The following SORCS3 variants were observed in gnomAD, a reference collection of about 807,000 sequenced individuals.
The protein encoded by SORCS3 is sortilin related VPS10 domain containing receptor 3, also known as VPS10 domain-containing receptor SorCS3.
A neutral mutation model predicts 146.3 loss-of-function variants in SORCS3; 57 were observed. That is an observed-to-expected ratio of 0.39 (90% CI 0.31 to 0.49). The LOEUF (loss-of-function observed/expected upper bound fraction) is 0.49. SORCS3 is among the 20% of genes least tolerant of loss of function. SORCS3 has a pLI of 0.92. For missense variants in SORCS3, 1,341 were observed against 1,575.5 expected (o/e 0.85, Z 2.52); for synonymous variants, 653 against 618.5 (o/e 1.06, Z -0.83).
intron 3 of SORCS3, among the ~76,000 whole-genome samples, chr10:104,947,744 TC>T (rs1186690961): frequency 1.3e-5 from 2 of 152,160 alleles, no homozygotes; most frequent in Non-Finnish European, 2.9e-5. Flanking sequence ...TGCCTCAGCC[TC>T]CCGAGTAGCT....
At position 104,916,487 on chromosome 10, in the gene SORCS3, G is replaced by A. The variant is rs78534140; in HGVS notation, c.795+555G>A. Among the ~76,000 whole-genome samples, 1,442 of 152,272 alleles carry A rather than the reference G, an allele frequency of 9.5e-3. 19 individuals are homozygous for A. Among genetic ancestry groups the A allele is most frequent in the African/African-American group, 0.032 (1,334 of 41,562 alleles). On this transcript the variant is annotated intron_variant, in intron 3 of 26. Transcript: ENST00000369701. ...GCAGAGGGCAGACCAGACTCCTCTG[G>A]CACCTCTGCTTCTCTGCTTTCCTCT...
intron 3 of SORCS3, among the ~76,000 whole-genome samples, chr10:104,952,390 C>G (rs1238247328): frequency 6.6e-6 from 1 of 150,936 alleles, no homozygotes; most frequent in African/African-American, 2.4e-5. Context: ...AACTTCTAAG[C>G]GTGTTAGAAG....
chr10:105,058,380 G>A (rs1279849832), intron 5 of SORCS3, among the ~76,000 whole-genome samples: 1 of 152,162 alleles, frequency 6.6e-6, no homozygotes, highest in Non-Finnish European at 1.5e-5. Flanking sequence ...TCTTAACATT[G>A]CTATCTTCAT....
chr10:104,983,805 C>T (rs2054945792), intron 4 of SORCS3, among the ~76,000 whole-genome samples: 1 of 151,942 alleles, frequency 6.6e-6, no homozygotes, highest in African/African-American at 2.4e-5. Context: ...CCGACCAGGC[C>T]AGGCCACTTA....
At chr10:104,786,513 A>T (rs1234526134) in intron 1 of SORCS3, among the ~76,000 whole-genome samples, 2 of 151,250 alleles carry the variant, frequency 1.3e-5, no homozygotes, top group Non-Finnish European at 2.9e-5. Context: ...GCACCACTGC[A>T]CTCCAGCTTG....
intron 1 of SORCS3, among the ~76,000 whole-genome samples, chr10:104,757,167 T>C (rs2017063776): frequency 6.6e-6 from 1 of 151,582 alleles, no homozygotes; most frequent in South Asian, 2.1e-4. Context: ...ACCCAAATGT[T>C]CTGTCCCCAC....
At chr10:104,724,910 C>T (rs2016605145) in intron 1 of SORCS3, among the ~76,000 whole-genome samples, 1 of 152,146 alleles carries the variant, frequency 6.6e-6, no homozygotes, top group African/African-American at 2.4e-5. Context: ...ACTTCTTTGC[C>T]ATGAGTTCGA....
chr10:105,083,261 G>GT (rs199565130), intron 5 of SORCS3, among the ~76,000 whole-genome samples: 56 of 148,272 alleles, frequency 3.8e-4, no homozygotes, highest in East Asian at 1.2e-3. Context: ...CTTTCTAGGA[G>GT]TTTTTTTTTT....
chr10:105,139,569 G>A (rs1385409328), intron 8 of SORCS3, 83 bp downstream of exon 8: 10 of 1,079,604 alleles, frequency 9.3e-6, no homozygotes, highest in African/African-American at 1.6e-5. Context: ...CTACTGGGAG[G>A]TTTTATCTGT....
chr10:104,754,820 T>C (rs2017029304), intron 1 of SORCS3, among the ~76,000 whole-genome samples: 1 of 152,234 alleles, frequency 6.6e-6, no homozygotes, highest in South Asian at 2.1e-4. Flanking sequence ...GACATCTTGT[T>C]TACTTGCATC....
At chr10:105,079,039 G>C (rs1229038240) in intron 5 of SORCS3, among the ~76,000 whole-genome samples, 4 of 152,140 alleles carry the variant, frequency 2.6e-5, no homozygotes, top group Non-Finnish European at 2.9e-5. Context: ...TCCTGGACTT[G>C]ACTCCTGGTT....
At chr10:104,708,667 G>A (rs999367678) in intron 1 of SORCS3, among the ~76,000 whole-genome samples, 3 of 152,142 alleles carry the variant, frequency 2.0e-5, no homozygotes, top group African/African-American at 7.2e-5. Context: ...CTAGCTCTGG[G>A]CTGGCCACAT....
chr10:104,891,546 G>A (rs760931581), intron 2 of SORCS3, among the ~76,000 whole-genome samples: 1 of 152,004 alleles, frequency 6.6e-6, no homozygotes, highest in Admixed American at 6.6e-5. Flanking sequence ...GGGTTAAGGG[G>A]CAATTACAAG....
Position 105,244,790 on chromosome 10 carries a change from C to T in SORCS3, c.2869-752C>T, listed in dbSNP as rs760081434. ...TGCTCTATGAAAGGCAATGTGCGGCCGGGCGCAGTGGTTCACGCCTGTAAT... is the reference window on the plus strand; with the variant it reads ...TGCTCTATGAAAGGCAATGTGCGGCTGGGCGCAGTGGTTCACGCCTGTAAT... On this transcript the variant is annotated intron_variant, in intron 20 of 26. Transcript: ENST00000369701. Among the ~76,000 whole-genome samples, 6 of 152,084 alleles carry T rather than the reference C, an allele frequency of 3.9e-5. No homozygotes were observed. In the South Asian group the frequency reaches 8.3e-4, roughly 21 times the overall value.
chr10:104,876,120 A>G (rs1434977324), intron 2 of SORCS3, among the ~76,000 whole-genome samples: 1 of 152,204 alleles, frequency 6.6e-6, no homozygotes, highest in Non-Finnish European at 1.5e-5. Context: ...TCCTTGAGAA[A>G]AACAGTGAAG....
chr10:105,252,726 G>C, intron 22 of SORCS3, 49 bp from the exon 23 acceptor site: 1 of 1,610,474 alleles, frequency 6.2e-7, no homozygotes, highest in South Asian at 1.1e-5. Flanking sequence ...CATTGATTTG[G>C]GGAGGGCTGG....
intron 3 of SORCS3, among the ~76,000 whole-genome samples, chr10:104,939,412 T>A (rs2019289743): frequency 6.6e-6 from 1 of 152,128 alleles, no homozygotes; most frequent in Non-Finnish European, 1.5e-5. Flanking sequence ...TAAGCTGAAA[T>A]CAGTAAGCAA....
At chr10:104,727,988 A>T (rs1456524507) in intron 1 of SORCS3, among the ~76,000 whole-genome samples, 2 of 152,054 alleles carry the variant, frequency 1.3e-5, no homozygotes, top group Non-Finnish European at 2.9e-5. Flanking sequence ...GGTGCCAAAA[A>T]GGTTGGGGAC....
chr10:105,178,193 T>C lies in SORCS3; in HGVS notation c.2009+20T>C. The C allele has an allele frequency of 6.4e-7, 1 of 1,572,516 alleles. No individual in the cohort carries two copies. Among genetic ancestry groups the C allele is most frequent in the Non-Finnish European group, 8.7e-7 (1 of 1,146,984 alleles). On this transcript the variant is annotated intron_variant, in intron 14 of 26. Coordinates refer to ENST00000369701, the MANE Select transcript of SORCS3 (RefSeq NM_014978.3). ...CATGACGTGAGTACTTCTTTTGCTG[T>C]GACAGGAAGAAGACCAGAGACACTG...
Sources: gnomAD v4.1 joint callset for allele counts (sites outside exome capture counted in the v4.1 genomes callset) on GRCh38, gnomAD v4.1.1 for gene constraint, MANE v1.5 for transcripts, NCBI Gene and HGNC (gene_info 2026-07-23, HGNC 2026-07-21) for gene names.